The following ADGRL2 variants were observed in gnomAD, a reference collection of about 807,000 sequenced individuals.
The protein encoded by ADGRL2 is adhesion G protein-coupled receptor L2.
In ADGRL2, 44 loss-of-function variants were observed where a neutral mutation model predicts 157.4. The observed-to-expected ratio is 0.28, with a 90% confidence interval of 0.22 to 0.36. ADGRL2 has a LOEUF of 0.36. Among genes scored for constraint, ADGRL2 ranks in the 10% least tolerant of loss-of-function variants. The probability of loss-of-function intolerance (pLI) is 1.00; values close to 1 mark genes in which losing one functional copy is unlikely to be tolerated. For missense variants in ADGRL2, 1,510 were observed against 1,768.9 expected (o/e 0.85, Z 2.63); for synonymous variants, 585 against 624.7 (o/e 0.94, Z 0.95).
At chr1:81,753,758 T>C (rs2085567500) in intron 1 of ADGRL2, among the ~76,000 whole-genome samples, 1 of 152,216 alleles carries the variant, frequency 6.6e-6, no homozygotes, top group Admixed American at 6.6e-5. Flanking sequence ...GGTTTTGATC[T>C]GTTTTTTAGT....
intron 3 of ADGRL2, among the ~76,000 whole-genome samples, chr1:81,642,367 C>G (rs1018140357): frequency 3.3e-5 from 5 of 150,600 alleles, no homozygotes; most frequent in Non-Finnish European, 7.4e-5. Context: ...TTGCAGTGAG[C>G]TGAGATCATG....
At chr1:81,467,148 C>T (rs563340397) in intron 2 of ADGRL2, among the ~76,000 whole-genome samples, 6 of 152,134 alleles carry the variant, frequency 3.9e-5, no homozygotes, top group East Asian at 1.9e-4. Context: ...CCTGAGGCTA[C>T]GATACTTTAT....
intron 1 of ADGRL2, among the ~76,000 whole-genome samples, chr1:81,412,894 A>AC (rs1490774229): frequency 1.3e-5 from 2 of 152,116 alleles, no homozygotes; most frequent in African/African-American, 2.4e-5. Context: ...ACTTTGAAAA[A>AC]AAATTCAGTC....
chr1:81,944,267 T>C (rs769563373), intron 6 of ADGRL2, among the ~76,000 whole-genome samples: 7 of 152,046 alleles, frequency 4.6e-5, no homozygotes, highest in Non-Finnish European at 1.0e-4. Context: ...TAGATTATCA[T>C]GTAAAATTAC....
chr1:81,937,754 T>G (rs935343285), intron 4 of ADGRL2, among the ~76,000 whole-genome samples: 6 of 151,744 alleles, frequency 4.0e-5, no homozygotes, highest in Non-Finnish European at 8.8e-5. Context: ...TTTTGTACAC[T>G]TTCCTCCTTT....
chr1:81,947,478 C>G (rs1322994620), intron 6 of ADGRL2, among the ~76,000 whole-genome samples: 3 of 152,140 alleles, frequency 2.0e-5, no homozygotes, highest in African/African-American at 7.2e-5. Flanking sequence ...AAACAAATTA[C>G]TTATCTTCAT....
intron 1 of ADGRL2, among the ~76,000 whole-genome samples, chr1:81,704,024 C>T (rs958096521): frequency 4.6e-5 from 7 of 152,208 alleles, no homozygotes; most frequent in African/African-American, 1.4e-4. Context: ...CCCTGCTCAT[C>T]TTTGGCCTTG....
intron 3 of ADGRL2, among the ~76,000 whole-genome samples, chr1:81,592,033 T>C (rs1354733512): frequency 1.3e-5 from 2 of 152,326 alleles, no homozygotes; most frequent in Middle Eastern, 3.4e-3. Context: ...CTTGTAATAA[T>C]CTGTGACAAA....
intron 1 of ADGRL2, among the ~76,000 whole-genome samples, chr1:81,823,384 T>A: frequency 8.3e-6 from 1 of 119,816 alleles, no homozygotes; most frequent in East Asian, 3.0e-4. Flanking sequence ...CCTCCCTCTT[T>A]CCTTCCCTCC....
At chr1:81,825,328 C>T (rs2149963847) in intron 1 of ADGRL2, among the ~76,000 whole-genome samples, 1 of 152,214 alleles carries the variant, frequency 6.6e-6, no homozygotes, top group Non-Finnish European at 1.5e-5. Flanking sequence ...TGCCATTGCA[C>T]TCTTAGCTGA....
chr1:81,443,679 A>G (rs1247361090), intron 1 of ADGRL2, among the ~76,000 whole-genome samples: 1 of 152,210 alleles, frequency 6.6e-6, no homozygotes, highest in African/African-American at 2.4e-5. Context: ...TAATTAGTCA[A>G]CATGCCACAA....
intron 3 of ADGRL2, among the ~76,000 whole-genome samples, chr1:81,677,077 C>G (rs2083010806): frequency 6.6e-6 from 1 of 151,938 alleles, no homozygotes; most frequent in Non-Finnish European, 1.5e-5. Context: ...ACTCTGCCTC[C>G]CGGTTTCAGG....
At chr1:81,344,703 TAA>T (rs1035182279) in intron 1 of ADGRL2, among the ~76,000 whole-genome samples, 6 of 150,868 alleles carry the variant, frequency 4.0e-5, no homozygotes, top group African/African-American at 1.5e-4. Context: ...AGATTATATT[TAA>T]AAGTGTGTTT....
At chr1:81,428,635 G>A (rs1296917606) in intron 1 of ADGRL2, among the ~76,000 whole-genome samples, 2 of 152,148 alleles carry the variant, frequency 1.3e-5, no homozygotes, top group African/African-American at 4.8e-5. Context: ...GGATTTTTAG[G>A]GGAGGTGAAT....
rs1276574244 is a variant in ADGRL2, at chr1:81,650,267, G to T, written c.-143+69287G>T. ...GGAACATGGCAGGTGAAGGAAGAAG[G>T]CTTTGTTAATTGAAAAATTGTGGGC... On this transcript the variant is annotated intron_variant, in intron 3 of 24. Transcript: ENST00000370721. Among the ~76,000 whole-genome samples the T allele has an allele frequency of 2.0e-5, 3 of 151,996 alleles. No homozygotes were observed. The South Asian group carries it at 6.2e-4, about 31-fold the overall frequency.
intron 2 of ADGRL2, among the ~76,000 whole-genome samples, chr1:81,546,027 C>T (rs2080009087): frequency 6.6e-6 from 1 of 152,144 alleles, no homozygotes; most frequent in South Asian, 2.1e-4. Context: ...GGGAATAGCT[C>T]TGGACGGATC....
At chr1:81,407,289 G>A (rs1410640775) in intron 1 of ADGRL2, among the ~76,000 whole-genome samples, 2 of 152,214 alleles carry the variant, frequency 1.3e-5, no homozygotes, top group Non-Finnish European at 2.9e-5. Flanking sequence ...TGGATCCGGA[G>A]GTCAGTGGGG....
intron 1 of ADGRL2, among the ~76,000 whole-genome samples, chr1:81,810,535 T>A (rs1013479500): frequency 6.6e-6 from 1 of 151,928 alleles, no homozygotes; most frequent in Non-Finnish European, 1.5e-5. Context: ...TTTTCTCCAC[T>A]CATCTTTGTG....
At chr1:81,761,239 G>GA (rs2149306704) in intron 1 of ADGRL2, among the ~76,000 whole-genome samples, 1 of 151,700 alleles carries the variant, frequency 6.6e-6, no homozygotes, top group Non-Finnish European at 1.5e-5. Flanking sequence ...TACTTCACTA[G>GA]AAAAAATTTC....
Sources: gnomAD v4.1 joint callset for allele counts (sites outside exome capture counted in the v4.1 genomes callset) on GRCh38, gnomAD v4.1.1 for gene constraint, MANE v1.5 for transcripts, NCBI Gene and HGNC (gene_info 2026-07-23, HGNC 2026-07-21) for gene names.